Variants in PDE6D observed in about 807,000 individuals in gnomAD.
PDE6D encodes retinal rod rhodopsin-sensitive cGMP 3',5'-cyclic phosphodiesterase subunit delta.
In PDE6D, 10 loss-of-function variants were observed where a neutral mutation model predicts 21.9. That is an observed-to-expected ratio of 0.46 (90% CI 0.28 to 0.78). The LOEUF (loss-of-function observed/expected upper bound fraction) is 0.78. Ranked by LOEUF, PDE6D falls within the 30% of genes least tolerant of loss-of-function variation. PDE6D has a pLI of 0.12. For synonymous variants in PDE6D, 59 were observed against 63.5 expected (o/e 0.93, Z 0.34); for missense variants, 139 against 184.8 (o/e 0.75, Z 1.44).
chr2:231,736,401 C>T (rs747189825), intron 4 of PDE6D, among the ~76,000 whole-genome samples: 2 of 152,042 alleles, frequency 1.3e-5, no homozygotes, highest in Non-Finnish European at 2.9e-5. Context: ...GTAACCTCCA[C>T]CTCCTGGGTT....
chr2:231,744,496 C>T (rs940282125), intron 1 of PDE6D, among the ~76,000 whole-genome samples: 3 of 150,526 alleles, frequency 2.0e-5, no homozygotes, highest in African/African-American at 2.4e-5. Context: ...GTGAATGGCA[C>T]GATCTCGGCT....
chr2:231,772,028 G>A (rs2049019365), intron 1 of PDE6D, among the ~76,000 whole-genome samples: 1 of 152,080 alleles, frequency 6.6e-6, no homozygotes. Context: ...TCTACTAATT[G>A]TTAGAAACTG....
chr2:231,751,084 G>T (rs1186107260), intron 1 of PDE6D, among the ~76,000 whole-genome samples: 2 of 151,426 alleles, frequency 1.3e-5, no homozygotes, highest in East Asian at 3.9e-4. Flanking sequence ...AATTCACCAA[G>T]AAATAAATTG....
chr2:231,753,512 C>T (rs1475291969), intron 1 of PDE6D, among the ~76,000 whole-genome samples: 1 of 151,756 alleles, frequency 6.6e-6, no homozygotes, highest in Non-Finnish European at 1.5e-5. Flanking sequence ...GATCGTGCCA[C>T]TGCAGTCCAG....
In PDE6D at chr2:231,781,172, G is replaced by A. The variant is rs1041963122; in HGVS notation, c.-58C>T. The A allele has an allele frequency of 5.6e-5, 87 of 1,558,286 alleles. 2 individuals are homozygous for A. In the Middle Eastern group the frequency reaches 8.3e-4, roughly 15 times the overall value. ...TCTGGTCGGCGGAGCCTCGCAGACG[G>A]TGCCCAGGAGCCGAGGATGGAGCCG... On this transcript the variant is annotated 5_prime_UTR_variant, in exon 1 of 5. Coordinates refer to ENST00000287600, the MANE Select transcript of PDE6D (RefSeq NM_002601.4).
At chr2:231,744,955 A>C (rs1356801773) in intron 1 of PDE6D, among the ~76,000 whole-genome samples, 1 of 152,174 alleles carries the variant, frequency 6.6e-6, no homozygotes, top group Non-Finnish European at 1.5e-5. Flanking sequence ...GAGAAATACA[A>C]AGAGAGCTCC....
At chr2:231,772,848 C>A (rs950160153) in intron 1 of PDE6D, among the ~76,000 whole-genome samples, 1 of 152,146 alleles carries the variant, frequency 6.6e-6, no homozygotes, top group Admixed American at 6.6e-5. Flanking sequence ...TATACACAAC[C>A]CTGGCAAGAA....
At chr2:231,753,497 G>A (rs1460340465) in intron 1 of PDE6D, among the ~76,000 whole-genome samples, 2 of 152,040 alleles carry the variant, frequency 1.3e-5, no homozygotes, top group Non-Finnish European at 2.9e-5. Context: ...CTTGCAGTGA[G>A]CCGAGATCGT....
At chr2:231,767,933 C>A (rs2048985294) in intron 1 of PDE6D, among the ~76,000 whole-genome samples, 1 of 151,592 alleles carries the variant, frequency 6.6e-6, no homozygotes, top group South Asian at 2.1e-4. Context: ...GCAATCTCTG[C>A]CTCCTGGGCT....
At chr2:231,770,660 T>C (rs73086890) in intron 1 of PDE6D, among the ~76,000 whole-genome samples, 15,653 of 151,716 alleles carry the variant, frequency 0.1, 1,008 homozygotes, top group African/African-American at 0.18. Flanking sequence ...TCTAAAAAAA[T>C]AACAAAAATT....
At chr2:231,736,164 C>A (rs150735408) in intron 4 of PDE6D, among the ~76,000 whole-genome samples, 1 of 151,912 alleles carries the variant, frequency 6.6e-6, no homozygotes, top group Non-Finnish European at 1.5e-5. Context: ...CATGGCAAGA[C>A]CCTGTTTTTT....
At position 231,738,020 on chromosome 2, in the gene PDE6D, G is replaced by A. The variant is rs151191604; in HGVS notation, c.258C>T (p.Cys86=). The A allele has an allele frequency of 5.7e-4, 928 of 1,613,946 alleles. 2 individuals are homozygous for A. The highest frequency in any genetic ancestry group is 8.2e-4 in the Admixed American group (49 of 59,994). Residue 86 remains cysteine (C), a synonymous_variant, in exon 3 of 5, where the codon TGC becomes TGT. Transcript: ENST00000287600. ...LEQKVYFKGQ[C]LEEWFFEFGF... is the part of the protein sequence containing the mutation. Reference sequence around the variant, plus strand: ...ATGTAGGCAGCAGAATACCTTCTAGGCATTGCCCTTTGAAGTAAACTTTTT... The same window carrying A: ...ATGTAGGCAGCAGAATACCTTCTAGACATTGCCCTTTGAAGTAAACTTTTT...
chr2:231,754,746 G>A (rs566924655), intron 1 of PDE6D, among the ~76,000 whole-genome samples: 26 of 151,668 alleles, frequency 1.7e-4, no homozygotes, highest in African/African-American at 6.1e-4. Flanking sequence ...AAGAATGGCA[G>A]TTTCTCATTG....
chr2:231,754,487 G>C (rs897053222), intron 1 of PDE6D, among the ~76,000 whole-genome samples: 1 of 149,766 alleles, frequency 6.7e-6, no homozygotes, highest in South Asian at 2.1e-4. Flanking sequence ...CTCCTGAGTA[G>C]CTGGGGTTAC....
intron 1 of PDE6D, among the ~76,000 whole-genome samples, chr2:231,745,586 C>G (rs1005595192): frequency 4.6e-5 from 7 of 152,190 alleles, no homozygotes; most frequent in Non-Finnish European, 8.8e-5. Flanking sequence ...AGATCGGGCT[C>G]TGGTACCCTC....
chr2:231,759,762 A>T (rs1254217484), intron 1 of PDE6D, among the ~76,000 whole-genome samples: 1 of 152,156 alleles, frequency 6.6e-6, no homozygotes, highest in Non-Finnish European at 1.5e-5. Context: ...AACTAACAAC[A>T]AACAGTGAAC....
In PDE6D at chr2:231,738,103, C is replaced by G; in HGVS notation, c.175G>C (p.Val59Leu). Residue 59 changes from valine to leucine, a missense_variant, in exon 3 of 5, where the codon GTG (valine) becomes CTG (leucine). By Grantham distance (32) the Val-to-Leu change is conservative. Coordinates refer to ENST00000287600, the MANE Select transcript of PDE6D (RefSeq NM_002601.4). ...VPKKILKCKA[V>L]SRELNFSSTE... is the part of the protein sequence containing the mutation. ...GAAGAAAAATTAAGTTCTCGAGACA[C>G]TGCCTTGCACTTGAGGATTTTCTTG... 1 of 1,613,420 alleles carries G rather than the reference C, an allele frequency of 6.2e-7. No individual in the cohort carries two copies. The highest frequency in any genetic ancestry group is 8.5e-7 in the Non-Finnish European group (1 of 1,179,682).
chr2:231,775,880 T>G (rs2049052197), intron 1 of PDE6D, among the ~76,000 whole-genome samples: 1 of 152,156 alleles, frequency 6.6e-6, no homozygotes, highest in Non-Finnish European at 1.5e-5. Context: ...CAAAGAAAAT[T>G]CAGATGGATT....
chr2:231,773,516 C>T (rs1258132821), intron 1 of PDE6D, among the ~76,000 whole-genome samples: 2 of 152,126 alleles, frequency 1.3e-5, no homozygotes, highest in African/African-American at 2.4e-5. Flanking sequence ...GTTCTACAGT[C>T]GACTTTTCTT....
Sources: allele counts gnomAD v4.1 joint callset (sites outside exome capture counted in the v4.1 genomes callset), GRCh38; gene constraint gnomAD v4.1.1; transcripts MANE v1.5; gene names NCBI Gene and HGNC (gene_info 2026-07-23, HGNC 2026-07-21).